The following IMMP2L variants were observed in gnomAD, a reference collection of about 807,000 sequenced individuals.
The protein encoded by IMMP2L is mitochondrial inner membrane protease subunit 2.
IMMP2L carries 18 observed loss-of-function variants against 19.3 expected under a neutral mutation model. That is an observed-to-expected ratio of 0.93 (90% CI 0.64 to 1.38). IMMP2L has a LOEUF of 1.38. IMMP2L is among the 40% of genes most tolerant of loss of function. IMMP2L has a pLI of 0.00. For missense variants in IMMP2L, 233 were observed against 218.2 expected (o/e 1.07, Z -0.43); for synonymous variants, 76 against 73.0 (o/e 1.04, Z -0.21).
At chr7:110,906,014 T>C (rs1034900452) in intron 4 of IMMP2L, among the ~76,000 whole-genome samples, 8 of 152,324 alleles carry the variant, frequency 5.3e-5, no homozygotes, top group Non-Finnish European at 1.2e-4. Context: ...TTTCTTTACG[T>C]TGGAATGAAA....
At chr7:111,404,039 C>T (rs1033368935) in intron 3 of IMMP2L, among the ~76,000 whole-genome samples, 5 of 152,050 alleles carry the variant, frequency 3.3e-5, no homozygotes, top group Admixed American at 3.3e-4. Context: ...GAGTTTTATC[C>T]TTTATGAAGG....
chr7:111,096,921 C>G (rs1797461014), intron 3 of IMMP2L: 1 of 151,838 alleles, frequency 6.6e-6, no homozygotes, highest in African/African-American at 2.4e-5. Context: ...TCTGTGAGCC[C>G]TTTCTAGGGG....
At chr7:110,730,774 C>T (rs929050263) in intron 5 of IMMP2L, among the ~76,000 whole-genome samples, 4 of 152,146 alleles carry the variant, frequency 2.6e-5, no homozygotes. Context: ...ATCCACCCGC[C>T]TCAGCCTCCC....
chr7:111,303,412 T>C (rs1822479338), intron 3 of IMMP2L, among the ~76,000 whole-genome samples: 1 of 152,138 alleles, frequency 6.6e-6, no homozygotes, highest in Non-Finnish European at 1.5e-5. Flanking sequence ...ATTTTTTGTT[T>C]GTTTACATAT....
At chr7:111,441,695 G>C (rs1837737998) in intron 3 of IMMP2L, among the ~76,000 whole-genome samples, 1 of 145,690 alleles carries the variant, frequency 6.9e-6, no homozygotes, top group African/African-American at 2.6e-5. Flanking sequence ...CCTTGACACA[G>C]AGCTGGCACA....
intron 3 of IMMP2L, among the ~76,000 whole-genome samples, chr7:111,012,159 A>G (rs1429518454): frequency 6.6e-6 from 1 of 152,112 alleles, no homozygotes; most frequent in African/African-American, 2.4e-5. Context: ...GATAAAATAA[A>G]TTTCTATGGC....
intron 4 of IMMP2L, among the ~76,000 whole-genome samples, chr7:110,911,629 G>A (rs989079980): frequency 6.6e-6 from 1 of 152,024 alleles, no homozygotes; most frequent in Admixed American, 6.6e-5. Context: ...ATTATCTGGG[G>A]GTCAGGTATC....
chr7:111,207,188 G>A (rs778195968), intron 3 of IMMP2L, among the ~76,000 whole-genome samples: 3 of 152,234 alleles, frequency 2.0e-5, no homozygotes, highest in Admixed American at 2.0e-4. Flanking sequence ...ATATACCTTG[G>A]AAAGGATACA....
intron 3 of IMMP2L, among the ~76,000 whole-genome samples, chr7:110,994,997 T>C (rs892995677): frequency 2.0e-5 from 3 of 152,134 alleles, no homozygotes; most frequent in Non-Finnish European, 4.4e-5. Context: ...CACAGCTATA[T>C]AGTACATTCA....
intron 5 of IMMP2L, among the ~76,000 whole-genome samples, chr7:110,882,220 T>C (rs1020498174): frequency 6.6e-6 from 1 of 152,096 alleles, no homozygotes; most frequent in Non-Finnish European, 1.5e-5. Flanking sequence ...TGAATCTCTG[T>C]CCTTAAAATC....
At chr7:111,435,082 T>TA (rs929380146) in intron 3 of IMMP2L, among the ~76,000 whole-genome samples, 3 of 151,880 alleles carry the variant, frequency 2.0e-5, no homozygotes, top group African/African-American at 7.3e-5. Context: ...AAACTATTGG[T>TA]AAAAATGTAA....
intron 3 of IMMP2L, among the ~76,000 whole-genome samples, chr7:111,109,508 T>C (rs1254018511): frequency 6.6e-6 from 1 of 152,144 alleles, no homozygotes; most frequent in Non-Finnish European, 1.5e-5. Flanking sequence ...ATCAAGTACA[T>C]ATATATCTGC....
intron 3 of IMMP2L, among the ~76,000 whole-genome samples, chr7:110,970,248 T>A (rs527409278): frequency 2.6e-5 from 4 of 152,186 alleles, no homozygotes; most frequent in African/African-American, 9.6e-5. Context: ...GAATTTAGTA[T>A]AATCATAACA....
intron 2 of IMMP2L, among the ~76,000 whole-genome samples, chr7:111,501,882 A>C (rs1844303164): frequency 6.6e-6 from 1 of 152,214 alleles, no homozygotes; most frequent in Non-Finnish European, 1.5e-5. Flanking sequence ...CAAAATGTAA[A>C]GACCATCAAG....
At chr7:111,323,819 T>C (rs1584627221) in intron 3 of IMMP2L, among the ~76,000 whole-genome samples, 2 of 152,132 alleles carry the variant, frequency 1.3e-5, no homozygotes, top group South Asian at 4.1e-4. Context: ...CCATAAAAAA[T>C]GATGAGTTCA....
chr7:111,200,769 G>GATGAT lies in IMMP2L; in HGVS notation c.240-237205_240-237204insATCAT, dbSNP rs113508148. Among the ~76,000 whole-genome samples the GATGAT allele has an allele frequency of 3.5e-3, 535 of 152,180 alleles. 1 individual carries two copies. Among genetic ancestry groups the GATGAT allele is most frequent in the African/African-American group, 0.012 (505 of 41,538 alleles). On this transcript the variant is annotated intron_variant, in intron 3 of 5. Coordinates refer to ENST00000405709, the MANE Select transcript of IMMP2L (RefSeq NM_032549.4). The stretch of plus-strand genomic sequence containing the variant: ...CCCTGGCAGAGAAACAGTTCATGGA[G>GATGAT]ATTTCACCTAGAACTTGAGGAATAA...
chr7:111,099,274 GAC>G (rs2129579611), intron 3 of IMMP2L, among the ~76,000 whole-genome samples: 1 of 151,666 alleles, frequency 6.6e-6, no homozygotes, highest in South Asian at 2.1e-4. Context: ...CCAAATTTTA[GAC>G]ACTTTTTTCC....
At chr7:110,872,764 T>G (rs367563505) in intron 5 of IMMP2L, among the ~76,000 whole-genome samples, 2 of 152,272 alleles carry the variant, frequency 1.3e-5, no homozygotes, top group East Asian at 3.9e-4. Flanking sequence ...TGGAACTGGA[T>G]GCAAGCTGAC....
chr7:111,016,710 T>A (rs1170723817), intron 3 of IMMP2L, among the ~76,000 whole-genome samples: 1 of 99,302 alleles, frequency 1.0e-5, no homozygotes, highest in East Asian at 2.9e-4. Flanking sequence ...ATATATAATT[T>A]TATATATATT....
Sources: gnomAD v4.1 joint callset for allele counts (sites outside exome capture counted in the v4.1 genomes callset) on GRCh38, gnomAD v4.1.1 for gene constraint, MANE v1.5 for transcripts, NCBI Gene and HGNC (gene_info 2026-07-23, HGNC 2026-07-21) for gene names.